Variants in AP4S1 observed in about 807,000 individuals in gnomAD.
The protein encoded by AP4S1 is adaptor related protein complex 4 subunit sigma 1.
Under a neutral mutation model 19.8 loss-of-function variants are expected in AP4S1, and 23 were observed. That is an observed-to-expected ratio of 1.16 (90% CI 0.84 to 1.65). The LOEUF is 1.65. Among genes scored for constraint, AP4S1 ranks in the 40% most tolerant of loss-of-function variants. AP4S1 has a pLI of 0.00. For synonymous variants in AP4S1, 46 were observed against 54.1 expected (o/e 0.85, Z 0.66); for missense variants, 166 against 172.8 (o/e 0.96, Z 0.22).
In AP4S1 at chr14:31,093,814, T is replaced by G. The variant is rs1179973541; in HGVS notation, c.*779T>G. ...TTTTAAGAGGTGTTTTTTTGTTTGT[T>G]TTTTTGTTTTGTTTTTTAAGACGGA... On this transcript the variant is annotated 3_prime_UTR_variant, in exon 6 of 6. Transcript: ENST00000542754. The G allele has an allele frequency of 6.6e-6, 1 of 152,332 alleles. No homozygotes were observed. Among genetic ancestry groups the G allele is most frequent in the African/African-American group, 2.4e-5 (1 of 41,358 alleles). The allele number at this position is 152,332 out of a possible 1,614,324, so 9.4% of individuals were successfully genotyped here.
At chr14:31,049,469 ATATG>A (rs1318648156) in intron 1 of AP4S1, among the ~76,000 whole-genome samples, 1,539 of 86,068 alleles carry the variant, frequency 0.018, 18 homozygotes, top group Non-Finnish European at 0.021. Flanking sequence ...ATATGTATAT[ATATG>A]TACACACACA....
At chr14:31,083,442 A>G (rs1338769819) in intron 5 of AP4S1, 3 of 452,248 alleles carry the variant, frequency 6.6e-6, no homozygotes, top group Non-Finnish European at 1.3e-5. Context: ...CAGTGGTCTA[A>G]AAGTAGAGCA....
chr14:31,075,353 A>C (rs1212587717), intron 4 of AP4S1, among the ~76,000 whole-genome samples: 3 of 152,172 alleles, frequency 2.0e-5, no homozygotes, highest in Non-Finnish European at 4.4e-5. Flanking sequence ...TGCAAATGAT[A>C]GGGTTTTATT....
Position 31,069,929 on chromosome 14 carries a change from G to C in AP4S1, c.225G>C (p.Glu75Asp), listed in dbSNP as rs955904625. The C allele has an allele frequency of 2.5e-6, 4 of 1,605,472 alleles. No individual in the cohort carries two copies. The African/African-American group carries it at 5.4e-5, about 21-fold the overall frequency. ...TTGTGGTTGGAGTTAATGACACTGA[G>C]GTAAGATAATAGAAGAGCCCTTGGA... Reference protein sequence around the residue: ...LFIVVGVNDTENEMAIYEFIH... With the variant: ...LFIVVGVNDTDNEMAIYEFIH... The change falls in exon 3 of 6, where the codon GAG becomes GAC. Residue 75 changes from glutamate to aspartate, a missense_variant and splice_region_variant. Glu to Asp is a conservative substitution (Grantham distance 45). Coordinates refer to ENST00000542754, the MANE Select transcript of AP4S1 (RefSeq NM_001128126.3).
intron 4 of AP4S1, among the ~76,000 whole-genome samples, chr14:31,074,605 A>G (rs1341431144): frequency 2.0e-5 from 3 of 152,038 alleles, no homozygotes; most frequent in Non-Finnish European, 4.4e-5. Context: ...CCTGGGAGGC[A>G]GAGCTTGCAG....
At chr14:31,036,958 G>A (rs542227508) in intron 1 of AP4S1, among the ~76,000 whole-genome samples, 4 of 152,026 alleles carry the variant, frequency 2.6e-5, no homozygotes, top group African/African-American at 7.2e-5. Context: ...AACTAGAGGC[G>A]CATGCCACTA....
At chr14:31,060,141 A>G (rs1488692588) in intron 1 of AP4S1, among the ~76,000 whole-genome samples, 2 of 151,466 alleles carry the variant, frequency 1.3e-5, no homozygotes, top group East Asian at 1.9e-4. Context: ...AGGAAATAAT[A>G]CAGTTGACTC....
chr14:31,069,722 C>G, intron 2 of AP4S1, 121 bp from the exon 3 acceptor site: 1 of 825,148 alleles, frequency 1.2e-6, no homozygotes, highest in Non-Finnish European at 2.1e-6. Context: ...TGTGTAACAT[C>G]TTAATATTCT....
chr14:31,086,368 C>T (rs1405828182), intron 5 of AP4S1: 2 of 152,132 alleles, frequency 1.3e-5, no homozygotes, highest in African/African-American at 2.4e-5. Context: ...AGAATTTCTT[C>T]CGAGGTATGA....
Position 31,069,931 on chromosome 14 carries a change from T to C in AP4S1, c.225+2T>C. On this transcript the variant is annotated splice_donor_variant, in intron 3 of 5. Transcript: ENST00000542754. LOFTEE classifies it high-confidence loss of function. ...GTGGTTGGAGTTAATGACACTGAGGTAAGATAATAGAAGAGCCCTTGGAAA... is the reference window on the plus strand; with the variant it reads ...GTGGTTGGAGTTAATGACACTGAGGCAAGATAATAGAAGAGCCCTTGGAAA... 6.2e-7 allele frequency: 1 copy of C among 1,603,536 alleles called. No homozygotes were observed. The highest frequency in any genetic ancestry group is 8.5e-7 in the Non-Finnish European group (1 of 1,170,374).
chr14:31,070,234 C>T lies in AP4S1; in HGVS notation c.225+305C>T, dbSNP rs192400725. On this transcript the variant is annotated intron_variant, in intron 3 of 5. Transcript: ENST00000542754. The stretch of plus-strand genomic sequence containing the variant: ...GTCTCGATCTCCTGACCTCATGATC[C>T]GCCTGCCTCAGACTCCCAATTTATT... Among the ~76,000 whole-genome samples, 118 of 152,134 alleles carry T rather than the reference C, an allele frequency of 7.8e-4. 2 individuals carry two copies. Among genetic ancestry groups the T allele is most frequent in the African/African-American group, 2.3e-3 (94 of 41,510 alleles).
At position 31,073,058 on chromosome 14, in the gene AP4S1, G is replaced by A. The variant is rs766562568; in HGVS notation, c.294+85G>A. The A allele has an allele frequency of 9.8e-6, 11 of 1,122,272 alleles. No homozygotes were observed. The Admixed American group carries it at 1.6e-4, about 16-fold the overall frequency. 69.5% of individuals were successfully genotyped at this position (1,122,272 alleles called of 1,614,324 possible). A position where few individuals can be genotyped will look rare whatever the true frequency, so the allele number is the denominator to read the frequency against. ...CTCTTTGGATCTATATCAAGAACAT[G>A]TGTTAATACAGAGTTTTAATAAGTA... On this transcript the variant is annotated intron_variant, in intron 4 of 5. Coordinates refer to ENST00000542754, the MANE Select transcript of AP4S1 (RefSeq NM_001128126.3).
At chr14:31,033,803 A>G (rs1594625073) in intron 1 of AP4S1, among the ~76,000 whole-genome samples, 1 of 152,242 alleles carries the variant, frequency 6.6e-6, no homozygotes, top group Non-Finnish European at 1.5e-5. Flanking sequence ...CAGATTACAG[A>G]AAATAGATAC....
intron 5 of AP4S1, chr14:31,085,444 AAT>A: frequency 1.0e-6 from 1 of 986,192 alleles, no homozygotes; most frequent in Non-Finnish European, 1.2e-6. Flanking sequence ...AGGCCCCACA[AAT>A]ATAGGCTAGA....
At chr14:31,060,709 G>C (rs755439742) in intron 1 of AP4S1, among the ~76,000 whole-genome samples, 1 of 152,140 alleles carries the variant, frequency 6.6e-6, no homozygotes, top group Non-Finnish European at 1.5e-5. Flanking sequence ...CTCTATTGTG[G>C]TGTTCCCCAG....
At chr14:31,053,690 C>A (rs2139510571) in intron 1 of AP4S1, among the ~76,000 whole-genome samples, 1 of 141,786 alleles carries the variant, frequency 7.1e-6, no homozygotes, top group East Asian at 2.2e-4. Flanking sequence ...CCTGCCTCAA[C>A]CTCTCAAGTG....
chr14:31,092,510 G>A (rs1391885347), intron 5 of AP4S1, among the ~76,000 whole-genome samples: 1 of 152,190 alleles, frequency 6.6e-6, no homozygotes, highest in East Asian at 1.9e-4. Flanking sequence ...TCAACACACT[G>A]TCTGGAACGG....
Position 31,025,801 on chromosome 14 carries a change from G to T in AP4S1, c.-72+14G>T. On this transcript the variant is annotated intron_variant, in intron 1 of 5. Transcript: ENST00000542754. ...TGAGCAGCACAGGTAGGTTCCGCTC[G>T]GCCTCCCAAGGCGCCGGCTCCGGCT... 1 of 1,484,320 alleles carries T rather than the reference G, an allele frequency of 6.7e-7. No homozygotes were observed. The highest frequency in any genetic ancestry group is 9.0e-7 in the Non-Finnish European group (1 of 1,110,778). 91.9% of individuals were successfully genotyped at this position (1,484,320 alleles called of 1,614,324 possible).
Position 31,066,191 on chromosome 14 carries a change from A to C in AP4S1, c.-6A>C, listed in dbSNP as rs375197549. ...TATTTGGAAAAATACTGGCCAGGAAAGAAAAATGATAAAATTTTTCCTCAT... is the reference window on the plus strand; with the variant it reads ...TATTTGGAAAAATACTGGCCAGGAACGAAAAATGATAAAATTTTTCCTCAT... On this transcript the variant is annotated 5_prime_UTR_variant, in exon 2 of 6. Transcript: ENST00000542754. The C allele has an allele frequency of 1.2e-6, 2 of 1,613,838 alleles. No individual in the cohort carries two copies. The highest frequency in any genetic ancestry group is 2.2e-5 in the South Asian group (2 of 91,064).
Sources: gnomAD v4.1 joint callset for allele counts (sites outside exome capture counted in the v4.1 genomes callset) on GRCh38, gnomAD v4.1.1 for gene constraint, MANE v1.5 for transcripts, NCBI Gene and HGNC (gene_info 2026-07-23, HGNC 2026-07-21) for gene names.